Variants in NT5DC3 observed in about 807,000 individuals in gnomAD.
NT5DC3 encodes 5'-nucleotidase domain containing 3.
A neutral mutation model predicts 67.8 loss-of-function variants in NT5DC3; 42 were observed. That is an observed-to-expected ratio of 0.62 (90% CI 0.48 to 0.80). The LOEUF (loss-of-function observed/expected upper bound fraction) is 0.80. Ranked by LOEUF, NT5DC3 falls within the 30% of genes least tolerant of loss-of-function variation. The pLI, the probability that NT5DC3 is intolerant of heterozygous loss-of-function variation, is 0.00. For missense variants in NT5DC3, 570 were observed against 696.4 expected (o/e 0.82, Z 2.04); for synonymous variants, 237 against 255.6 (o/e 0.93, Z 0.69).
intron 1 of NT5DC3, among the ~76,000 whole-genome samples, chr12:103,838,361 G>A (rs1280968385): frequency 1.3e-5 from 2 of 152,126 alleles, no homozygotes; most frequent in Non-Finnish European, 1.5e-5. Context: ...TGCCTTTCAT[G>A]GATGGACTCA....
Position 103,797,077 on chromosome 12 carries a change from A to ATG in NT5DC3, c.616-47_616-46insCA, listed in dbSNP as rs1566108850. The ATG allele has an allele frequency of 4.3e-6, 7 of 1,610,034 alleles. No individual in the cohort carries two copies. The South Asian group carries it at 4.4e-5, about 10-fold the overall frequency. On this transcript the variant is annotated intron_variant, in intron 5 of 13. Transcript: ENST00000392876. ...ATGCTTTAGAAACAGGGGCCCACGC[A>ATG]AGGGACAGAGCCACGAAGCACCAGG...
At chr12:103,751,975 C>T in the NT5DC3 span, among the ~76,000 whole-genome samples, 1 of 152,118 alleles carries the variant, frequency 6.6e-6, no homozygotes, top group African/African-American at 2.4e-5. Flanking sequence ...CAGGAGGAAG[C>T]GCCTGCCCTC....
At position 103,840,923 on chromosome 12, in the gene NT5DC3, C is replaced by T. The variant is rs1481376529; in HGVS notation, c.208+26G>A. 6.1e-6 allele frequency: 8 copies of T among 1,308,704 alleles called. No homozygotes were observed. The African/African-American group carries it at 1.2e-4, about 20-fold the overall frequency. The allele number at this position is 1,308,704 out of a possible 1,614,324, so 81.1% of individuals were successfully genotyped here. A position where few individuals can be genotyped will look rare whatever the true frequency, so the allele number is the denominator to read the frequency against. On this transcript the variant is annotated intron_variant, in intron 1 of 13. Coordinates refer to ENST00000392876, the MANE Select transcript of NT5DC3 (RefSeq NM_001031701.3). Reference sequence around the variant, plus strand: ...AGCGCGCAGGAGGGGCCCCAGGCGCCGGGGCGGGGTCGCCGCCTCACTCAC... The same window carrying T: ...AGCGCGCAGGAGGGGCCCCAGGCGCTGGGGCGGGGTCGCCGCCTCACTCAC...
intron 1 of NT5DC3, among the ~76,000 whole-genome samples, chr12:103,826,966 G>A (rs1391450945): frequency 6.6e-6 from 1 of 152,290 alleles, no homozygotes; most frequent in East Asian, 1.9e-4. Flanking sequence ...ACATATGCCT[G>A]GGCGCGGTGG....
intron 12 of NT5DC3, among the ~76,000 whole-genome samples, chr12:103,783,937 C>G (rs1885662174): frequency 6.6e-6 from 1 of 152,168 alleles, no homozygotes; most frequent in African/African-American, 2.4e-5. Flanking sequence ...ATCCTCTAAA[C>G]AGGAAGGCAC....
intron 1 of NT5DC3, among the ~76,000 whole-genome samples, chr12:103,834,329 A>C (rs943380690): frequency 2.0e-5 from 3 of 152,234 alleles, no homozygotes; most frequent in Non-Finnish European, 4.4e-5. Flanking sequence ...AAAAATCCCA[A>C]GTTAAAAAAG....
At chr12:103,782,972 C>A (rs1885621132) in intron 12 of NT5DC3, among the ~76,000 whole-genome samples, 1 of 152,118 alleles carries the variant, frequency 6.6e-6, no homozygotes, top group South Asian at 2.1e-4. Flanking sequence ...GGCGACAGAG[C>A]AAGACTCCAT....
intron 2 of NT5DC3, among the ~76,000 whole-genome samples, chr12:103,813,392 G>A (rs1887116347): frequency 6.6e-6 from 1 of 152,222 alleles, no homozygotes; most frequent in East Asian, 1.9e-4. Flanking sequence ...TTTACATCTA[G>A]TAAAGTGGCC....
the NT5DC3 span, chr12:103,749,205 G>C: frequency 6.5e-7 from 1 of 1,533,544 alleles, no homozygotes; most frequent in Non-Finnish European, 8.8e-7. Flanking sequence ...CGTGGGCTTC[G>C]CTCCTCCTTG....
intron 4 of NT5DC3, among the ~76,000 whole-genome samples, chr12:103,799,311 T>TAC (rs1555261597): frequency 6.6e-6 from 1 of 152,216 alleles, no homozygotes; most frequent in Non-Finnish European, 1.5e-5. Context: ...TCTTGAATTG[T>TAC]AGCTCCTATA....
At chr12:103,768,309 C>A (rs185153982), downstream of NT5DC3, among the ~76,000 whole-genome samples, 1 of 149,668 alleles carries the variant, frequency 6.7e-6, no homozygotes, top group South Asian at 2.1e-4. Flanking sequence ...GTGGTGCACA[C>A]CTGTAGTTCC....
chr12:103,787,244 C>A (rs1566101866), intron 11 of NT5DC3, among the ~76,000 whole-genome samples, 197 bp downstream of exon 11: 3 of 147,020 alleles, frequency 2.0e-5, no homozygotes, highest in Non-Finnish European at 1.5e-5. Context: ...CAACTCTGAT[C>A]CATCCTGTTC....
At chr12:103,840,342 C>T (rs1300945497) in intron 1 of NT5DC3, among the ~76,000 whole-genome samples, 1 of 150,874 alleles carries the variant, frequency 6.6e-6, no homozygotes, top group African/African-American at 2.4e-5. Flanking sequence ...CAGAACCTTC[C>T]CCACCTGGAC....
chr12:103,785,751 TAAAAAAAAAAAAAA>T (rs201632707), intron 11 of NT5DC3: 20,093 of 360,964 alleles, frequency 0.056, 13 homozygotes, highest in South Asian at 0.11. Context: ...CCATGGTCTG[TAAAAAAAAAAAAAA>T]AAAAAAAAAA....
At chr12:103,756,707 G>A in the NT5DC3 span, among the ~76,000 whole-genome samples, 1 of 152,038 alleles carries the variant, frequency 6.6e-6, no homozygotes, top group African/African-American at 2.4e-5. Flanking sequence ...GTCAGTGACC[G>A]CAGGAGGAAA....
chr12:103,778,538 C>T (rs1885423227), intron 13 of NT5DC3, among the ~76,000 whole-genome samples: 1 of 149,420 alleles, frequency 6.7e-6, no homozygotes, highest in Admixed American at 6.6e-5. Context: ...CTCACAAAAA[C>T]AAAAACAAAC....
At chr12:103,801,094 C>T (rs1460549180) in intron 4 of NT5DC3, among the ~76,000 whole-genome samples, 1 of 152,124 alleles carries the variant, frequency 6.6e-6, no homozygotes, top group African/African-American at 2.4e-5. Flanking sequence ...CCCCCCTCCA[C>T]TTCCCCAGCT....
chr12:103,799,642 G>A (rs1016458875), intron 4 of NT5DC3, among the ~76,000 whole-genome samples: 1 of 151,984 alleles, frequency 6.6e-6, no homozygotes, highest in African/African-American at 2.4e-5. Context: ...CACACCCAAC[G>A]CTCAGTGGAC....
At chr12:103,779,143 T>A (rs182654213) in intron 13 of NT5DC3, among the ~76,000 whole-genome samples, 64 of 152,344 alleles carry the variant, frequency 4.2e-4, no homozygotes, top group African/African-American at 1.5e-3. Flanking sequence ...GATTGTTTTA[T>A]GTGATGTAAA....
Sources: gnomAD v4.1 joint callset for allele counts (sites outside exome capture counted in the v4.1 genomes callset) on GRCh38, gnomAD v4.1.1 for gene constraint, MANE v1.5 for transcripts, NCBI Gene and HGNC (gene_info 2026-07-23, HGNC 2026-07-21) for gene names.